The following TAPBPL variants were observed in gnomAD, a reference collection of about 807,000 sequenced individuals.
TAPBPL encodes TAP binding protein like, also known as tapasin-related protein.
TAPBPL carries 32 observed loss-of-function variants against 44.8 expected under a neutral mutation model. That is an observed-to-expected ratio of 0.71 (90% CI 0.54 to 0.96). The LOEUF is 0.96. Ranked by LOEUF, TAPBPL falls within the 40% of genes least tolerant of loss-of-function variation. TAPBPL has a pLI of 0.00. For synonymous variants in TAPBPL, 230 were observed against 240.7 expected, an observed-to-expected ratio of 0.96 and a Z score of 0.41; for missense variants, 520 against 586.6, an observed-to-expected ratio of 0.89 and a Z score of 1.17.
chr12:6,451,895 C>T, upstream of TAPBPL: 1 of 353,938 alleles, frequency 2.8e-6, no homozygotes, highest in South Asian at 2.7e-5. Context: ...ACTTCAGATC[C>T]CCTTTTCCCA....
chr12:6,452,999 G>A lies in TAPBPL; in HGVS notation c.65-68G>A, dbSNP rs951434529. 1.7e-5 allele frequency: 25 copies of A among 1,458,822 alleles called. No homozygotes were observed. In the Admixed American group the frequency reaches 2.4e-4, roughly 14 times the overall value. The allele number at this position is 1,458,822 out of a possible 1,614,324, so 90.4% of individuals were successfully genotyped here. ...TTTGATGACTCCACAGCTTGAGGGC[G>A]GGGGCAGGAAGCAAGTGTGGAGTAG... is the stretch of plus-strand genomic sequence containing the variant. On this transcript the variant is annotated intron_variant, in intron 1 of 6. Coordinates refer to ENST00000266556, the MANE Select transcript of TAPBPL (RefSeq NM_018009.5).
downstream of TAPBPL, chr12:6,466,695 G>A (rs923566153): frequency 4.6e-6 from 1 of 215,666 alleles, no homozygotes; most frequent in African/African-American, 2.4e-5. Context: ...CATTTGGATG[G>A]GGTTCAGGGA....
At chr12:6,461,071 G>C in intron 6 of TAPBPL, 133 bp downstream of exon 6, 1 of 1,487,758 alleles carries the variant, frequency 6.7e-7, no homozygotes, top group Non-Finnish European at 8.9e-7. Context: ...TCCTGCTTTT[G>C]AGTTTGCCCT....
downstream of TAPBPL, chr12:6,463,153 A>G (rs374737641): frequency 3.4e-6 from 5 of 1,452,934 alleles, no homozygotes; most frequent in South Asian, 2.9e-5. The surrounding 1 kb of genome is among the most constrained non-coding windows in gnomAD (Gnocchi z 4.0). Flanking sequence ...CTATACACAC[A>G]AACCATGCAA....
In TAPBPL at chr12:6,455,824, G is replaced by A. The variant is rs188683271; in HGVS notation, c.566-1582G>A. On this transcript the variant is annotated intron_variant, in intron 3 of 6. Coordinates refer to ENST00000266556, the MANE Select transcript of TAPBPL (RefSeq NM_018009.5). ...CTCCCAGGCTGGAGTGCAGTGGCATGATCTTGGCTCACTGCAACCTCTGCC... is the reference window on the plus strand; with the variant it reads ...CTCCCAGGCTGGAGTGCAGTGGCATAATCTTGGCTCACTGCAACCTCTGCC... Among the ~76,000 whole-genome samples the A allele has an allele frequency of 8.0e-3, 1,189 of 148,436 alleles. 7 individuals are homozygous for A. Among genetic ancestry groups the A allele is most frequent in the South Asian group, 0.021 (97 of 4,660 alleles).
chr12:6,461,527 T>C, intron 6 of TAPBPL: 1 of 905,810 alleles, frequency 1.1e-6, no homozygotes, highest in Non-Finnish European at 1.3e-6. Context: ...TTGTGTCTGC[T>C]GCGACCAAGC....
chr12:6,457,345 G>T, intron 3 of TAPBPL, 61 bp from the exon 4 acceptor site: 1 of 1,521,530 alleles, frequency 6.6e-7, no homozygotes. Context: ...CCACAGCTTG[G>T]AGATCAGGTG....
At chr12:6,456,518 G>A (rs887715154) in intron 3 of TAPBPL, among the ~76,000 whole-genome samples, 8 of 150,188 alleles carry the variant, frequency 5.3e-5, no homozygotes, top group East Asian at 2.0e-4. Context: ...CATGCGCCAC[G>A]ACACCCAGCT....
Position 6,462,205 on chromosome 12 carries a change from A to C in TAPBPL, c.*56A>C. On this transcript the variant is annotated 3_prime_UTR_variant, in exon 7 of 7. Coordinates refer to ENST00000266556, the MANE Select transcript of TAPBPL (RefSeq NM_018009.5). The stretch of plus-strand genomic sequence containing the variant: ...ACGACACCCTTCCCCAAGCCCCCAC[A>C]GCTACTCCAACCCAAACAACAACCA... 6.8e-7 allele frequency: 1 copy of C among 1,459,960 alleles called. No individual in the cohort carries two copies. The highest frequency in any genetic ancestry group is 1.8e-4 in the Middle Eastern group (1 of 5,708). 90.4% of individuals were successfully genotyped at this position (1,459,960 alleles called of 1,614,324 possible).
At chr12:6,467,385 C>T (rs1945655683), downstream of TAPBPL, among the ~76,000 whole-genome samples, 1 of 152,094 alleles carries the variant, frequency 6.6e-6, no homozygotes, top group South Asian at 2.1e-4. Flanking sequence ...ACAATAAGGT[C>T]CAGGCTGAGG....
At chr12:6,471,084 C>T (rs992521000), downstream of TAPBPL, 5 of 157,540 alleles carry the variant, frequency 3.2e-5, no homozygotes, top group South Asian at 1.6e-4. The surrounding 1 kb of genome is among the most constrained non-coding windows in gnomAD (Gnocchi z 4.0). Context: ...GCGGCGGCTT[C>T]CTGGTGCGCG....
At chr12:6,468,458 TTAGA>T (rs1186125821), downstream of TAPBPL, among the ~76,000 whole-genome samples, 1 of 152,212 alleles carries the variant, frequency 6.6e-6, no homozygotes, top group East Asian at 1.9e-4. Context: ...GGGGTTTCAC[TTAGA>T]TAGAATCTGG....
chr12:6,465,313 A>G (rs542784434), downstream of TAPBPL: 4 of 371,182 alleles, frequency 1.1e-5, no homozygotes, highest in East Asian at 9.3e-5. Context: ...ATTTAAAAAT[A>G]TATATTTCAA....
At chr12:6,460,030 A>T (rs1592138397) in intron 5 of TAPBPL, among the ~76,000 whole-genome samples, 1 of 151,948 alleles carries the variant, frequency 6.6e-6, no homozygotes, top group Non-Finnish European at 1.5e-5. Context: ...TCGGCTTCCC[A>T]AAGTGCTGGG....
At chr12:6,451,658 G>A (rs770634319), upstream of TAPBPL, 4 of 434,900 alleles carry the variant, frequency 9.2e-6, no homozygotes, top group Middle Eastern at 6.3e-4. Context: ...CACACTTCCT[G>A]CTGCGAAAGA....
chr12:6,465,124 A>T, downstream of TAPBPL: 1 of 775,518 alleles, frequency 1.3e-6, no homozygotes, highest in Non-Finnish European at 2.0e-6. Flanking sequence ...GATCATAACC[A>T]CAGTATGTCT....
chr12:6,454,002 C>T (rs567552633), intron 3 of TAPBPL, among the ~76,000 whole-genome samples: 7 of 148,782 alleles, frequency 4.7e-5, no homozygotes, highest in African/African-American at 1.2e-4. Flanking sequence ...GCAACAAGAG[C>T]GAAACTCCAT....
chr12:6,470,490 G>A (rs749613810), downstream of TAPBPL: 4 of 1,613,804 alleles, frequency 2.5e-6, no homozygotes, highest in South Asian at 3.3e-5. Flanking sequence ...GGCGAGAGTT[G>A]TCAAGGAGGT....
chr12:6,454,360 C>A (rs1949649772), intron 3 of TAPBPL, among the ~76,000 whole-genome samples: 1 of 152,040 alleles, frequency 6.6e-6, no homozygotes, highest in South Asian at 2.1e-4. Flanking sequence ...CCCAGCTACT[C>A]AGGAGACTGA....
Sources: gnomAD v4.1 joint callset for allele counts (sites outside exome capture counted in the v4.1 genomes callset) on GRCh38, gnomAD v4.1.1 for gene constraint, Gnocchi (gnomAD v3.1) non-coding constraint, MANE v1.5 for transcripts, NCBI Gene and HGNC (gene_info 2026-07-23, HGNC 2026-07-21) for gene names.